Variants in ZNF808 observed in about 807,000 individuals in gnomAD.
ZNF808 encodes zinc finger protein 808.
Under a neutral mutation model 8.7 loss-of-function variants are expected in ZNF808, and 5 were observed. The observed-to-expected ratio is 0.58, with a 90% confidence interval of 0.30 to 1.21. ZNF808 has a LOEUF of 1.21. Ranked by LOEUF, ZNF808 falls within the 50% of genes most tolerant of loss-of-function variation. The pLI is 0.07. For missense variants in ZNF808, 1,103 were observed against 1,098.4 expected, an observed-to-expected ratio of 1.00 and a Z score of -0.06; for synonymous variants, 380 against 366.0, an observed-to-expected ratio of 1.04 and a Z score of -0.44.
chr19:52,545,219 G>A (rs111549733), intron 3 of ZNF808, among the ~76,000 whole-genome samples: 3,532 of 152,114 alleles, frequency 0.023, 113 homozygotes, highest in African/African-American at 0.072. Flanking sequence ...GTCCAGGCAG[G>A]AGTGCAGTGG....
chr19:52,536,040 G>A lies in ZNF808; in HGVS notation c.-20+3031G>A, dbSNP rs191461169. 22 of 166,272 alleles carry A rather than the reference G, an allele frequency of 1.3e-4. No homozygotes were observed. The East Asian group carries it at 3.8e-3, about 29-fold the overall frequency. 10.3% of individuals were successfully genotyped at this position (166,272 alleles called of 1,614,324 possible). A position where few individuals can be genotyped will look rare whatever the true frequency, so the allele number is the denominator to read the frequency against. Reference sequence around the variant, plus strand: ...GATCGCGTGGAGTGAAGGTCGTACCGCGGCGCGTGAGTTTTGCTCTGCCTT... The same window carrying A: ...GATCGCGTGGAGTGAAGGTCGTACCACGGCGCGTGAGTTTTGCTCTGCCTT... On this transcript the variant is annotated intron_variant, in intron 2 of 4. Transcript: ENST00000359798.
chr19:52,551,414 G>A (rs2123179723), intron 4 of ZNF808, among the ~76,000 whole-genome samples: 1 of 150,860 alleles, frequency 6.6e-6, no homozygotes, highest in Non-Finnish European at 1.5e-5. Context: ...TCCCTGCCTA[G>A]CTGTTAGTCC....
At chr19:52,548,801 G>A (rs903769854) in intron 4 of ZNF808, among the ~76,000 whole-genome samples, 19 of 151,924 alleles carry the variant, frequency 1.3e-4, no homozygotes, top group Non-Finnish European at 2.6e-4. Context: ...TTTATCTGTC[G>A]ATGCACATCT....
intron 4 of ZNF808, among the ~76,000 whole-genome samples, chr19:52,548,919 T>C (rs2059748824): frequency 6.6e-6 from 1 of 151,876 alleles, no homozygotes; most frequent in Non-Finnish European, 1.5e-5. Context: ...GGAGTTCGAG[T>C]CCAGCTTGGC....
At chr19:52,560,227 G>A (rs546850692), downstream of ZNF808, among the ~76,000 whole-genome samples, 33 of 152,030 alleles carry the variant, frequency 2.2e-4, no homozygotes, top group African/African-American at 7.5e-4. Context: ...TCGGGAGGCT[G>A]AGGTAAGAGA....
chr19:52,537,311 G>A (rs929517520), intron 2 of ZNF808, among the ~76,000 whole-genome samples: 19 of 151,890 alleles, frequency 1.3e-4, no homozygotes, highest in African/African-American at 4.6e-4. Flanking sequence ...ACAATCCCAG[G>A]GAAAAAGAAA....
intron 1 of ZNF808, among the ~76,000 whole-genome samples, chr19:52,531,845 T>C (rs1275543445): frequency 1.3e-5 from 2 of 152,222 alleles, no homozygotes; most frequent in Admixed American, 1.3e-4. Flanking sequence ...TGTGACATTG[T>C]AATTGCACCC....
intron 2 of ZNF808, among the ~76,000 whole-genome samples, chr19:52,540,260 C>A (rs565299352): frequency 1.3e-5 from 2 of 151,866 alleles, no homozygotes; most frequent in East Asian, 1.9e-4. Flanking sequence ...TCTTCCTGCC[C>A]CGGCCTCCCA....
chr19:52,552,624 T>C (rs1223319171), intron 4 of ZNF808, among the ~76,000 whole-genome samples: 1 of 151,794 alleles, frequency 6.6e-6, no homozygotes, highest in Non-Finnish European at 1.5e-5. Context: ...AATTGTTTGA[T>C]AATACAGAAT....
At chr19:52,547,737 TG>T in intron 4 of ZNF808, 99 bp downstream of exon 4, 4 of 1,268,058 alleles carry the variant, frequency 3.2e-6, no homozygotes, top group Non-Finnish European at 4.1e-6. Flanking sequence ...CCATCCATGC[TG>T]GTTTTTTTTT....
Position 52,555,660 on chromosome 19 carries a change from C to A in ZNF808, c.*32C>A. On this transcript the variant is annotated 3_prime_UTR_variant, in exon 5 of 5. Transcript: ENST00000359798. The stretch of plus-strand genomic sequence containing the variant: ...GATTGTCACAAAGTCTTCAGTAACA[C>A]TACAACAATTGCAAATCATTGGAGA... The A allele has an allele frequency of 1.9e-6, 3 of 1,576,964 alleles. No individual in the cohort carries two copies. The highest frequency in any genetic ancestry group is 1.7e-6 in the Non-Finnish European group (2 of 1,163,992).
downstream of ZNF808, among the ~76,000 whole-genome samples, chr19:52,561,151 C>A (rs2059854964): frequency 7.1e-6 from 1 of 140,354 alleles, no homozygotes; most frequent in African/African-American, 2.6e-5. Flanking sequence ...TGATGTACTT[C>A]TATCTGTTCT....
At chr19:52,538,687 CA>C (rs1689756975) in intron 2 of ZNF808, among the ~76,000 whole-genome samples, 1 of 149,072 alleles carries the variant, frequency 6.7e-6, no homozygotes, top group Non-Finnish European at 1.5e-5. Context: ...AGCAGAAGCC[CA>C]GGGGGAAATG....
intron 1 of ZNF808, among the ~76,000 whole-genome samples, chr19:52,530,635 G>T (rs1225723494): frequency 6.7e-6 from 1 of 149,566 alleles, no homozygotes; most frequent in Non-Finnish European, 1.5e-5. Flanking sequence ...TGCATGCCAG[G>T]CTGGGCAACG....
At chr19:52,547,741 T>A in intron 4 of ZNF808, 103 bp downstream of exon 4, 1 of 581,240 alleles carries the variant, frequency 1.7e-6, no homozygotes, top group Non-Finnish European at 2.2e-6. Flanking sequence ...CCATGCTGGT[T>A]TTTTTTTTTT....
chr19:52,559,715 A>G (rs1041344632), downstream of ZNF808, among the ~76,000 whole-genome samples: 3 of 152,082 alleles, frequency 2.0e-5, no homozygotes, highest in African/African-American at 7.2e-5. Context: ...GCTTTATCAC[A>G]TCATTGATTT....
chr19:52,565,975 T>TA (rs2059872120), downstream of ZNF808, among the ~76,000 whole-genome samples: 1 of 152,170 alleles, frequency 6.6e-6, no homozygotes, highest in Non-Finnish European at 1.5e-5. Flanking sequence ...ACCTAGTAGA[T>TA]ACTTTTGGAT....
At chr19:52,542,156 C>T (rs1409828859) in intron 2 of ZNF808, among the ~76,000 whole-genome samples, 2 of 151,768 alleles carry the variant, frequency 1.3e-5, no homozygotes, top group African/African-American at 2.4e-5. Flanking sequence ...TGCAATGCCA[C>T]GATCTCAGTT....
chr19:52,558,706 AAG>A (rs547375412), downstream of ZNF808, among the ~76,000 whole-genome samples: 788 of 152,274 alleles, frequency 5.2e-3, 5 homozygotes, highest in African/African-American at 0.017. Flanking sequence ...TTGTGGGGAA[AAG>A]AGAGAGATCA....
Sources: allele counts gnomAD v4.1 joint callset (sites outside exome capture counted in the v4.1 genomes callset), GRCh38; gene constraint gnomAD v4.1.1; transcripts MANE v1.5; gene names NCBI Gene and HGNC (gene_info 2026-07-23, HGNC 2026-07-21).